The following CAMK4 variants were observed in gnomAD, a reference collection of about 807,000 sequenced individuals.
CAMK4 encodes the protein calcium/calmodulin-dependent protein kinase type IV.
CAMK4 carries 22 observed loss-of-function variants against 44.9 expected under a neutral mutation model. The ratio of observed to expected loss-of-function variants is 0.49; its 90% CI spans 0.35 to 0.70. The LOEUF is 0.70. CAMK4 is among the 30% of genes least tolerant of loss of function. CAMK4 has a pLI of 0.01. For synonymous variants in CAMK4, 218 were observed against 215.4 expected (o/e 1.01, Z -0.11); for missense variants, 498 against 586.8 (o/e 0.85, Z 1.56).
chr5:111,413,563 C>A (rs1187373646), intron 5 of CAMK4, among the ~76,000 whole-genome samples: 3 of 139,910 alleles, frequency 2.1e-5, no homozygotes, highest in Admixed American at 7.1e-5. Flanking sequence ...GGTGACAGAG[C>A]AACACTCCAT....
rs1322086975 is a variant in CAMK4 at position 111,492,743 on chromosome 5, G to T, written c.*8277G>T. ...TGAGAAACTATTATATGCCATGGAG[G>T]AGTCAAAGATGAATTAAATCCAATG... On this transcript the variant is annotated 3_prime_UTR_variant, in exon 11 of 11. Coordinates refer to ENST00000282356, the MANE Select transcript of CAMK4 (RefSeq NM_001744.6). 2.0e-5 allele frequency: 3 copies of T among 152,198 alleles called. No individual in the cohort carries two copies. The highest frequency in any genetic ancestry group is 7.2e-5 in the African/African-American group (3 of 41,454). The allele number at this position is 152,198 out of a possible 1,614,324, so 9.4% of individuals were successfully genotyped here. A position where few individuals can be genotyped will look rare whatever the true frequency, so the allele number is the denominator to read the frequency against.
intron 1 of CAMK4, among the ~76,000 whole-genome samples, chr5:111,339,182 G>C (rs1156349621): frequency 1.3e-5 from 2 of 151,304 alleles, no homozygotes; most frequent in East Asian, 3.9e-4. Flanking sequence ...TAGGTTGTCT[G>C]TTTTATTCTG....
chr5:111,275,539 A>G (rs985587104), intron 1 of CAMK4, among the ~76,000 whole-genome samples: 2 of 152,082 alleles, frequency 1.3e-5, no homozygotes, highest in African/African-American at 4.8e-5. Context: ...TCTTTCAGAT[A>G]GTGTCTGACA....
Position 111,412,611 on chromosome 5 carries a change from G to T in CAMK4, c.459+17829G>T, listed in dbSNP as rs75262054. ...TACAACCACTAAATTGTCATTCATAGGTAAAGGCAGCAAATATTCTGAAAC... is the reference window on the plus strand; with the variant it reads ...TACAACCACTAAATTGTCATTCATATGTAAAGGCAGCAAATATTCTGAAAC... On this transcript the variant is annotated intron_variant, in intron 5 of 10. Coordinates refer to ENST00000282356, the MANE Select transcript of CAMK4 (RefSeq NM_001744.6). Among the ~76,000 whole-genome samples, 1,215 of 152,272 alleles carry T rather than the reference G, an allele frequency of 8.0e-3. 14 individuals are homozygous for T. The highest frequency in any genetic ancestry group is 0.026 in the African/African-American group (1,067 of 41,540).
intron 1 of CAMK4, among the ~76,000 whole-genome samples, chr5:111,298,779 G>A (rs1172150368): frequency 6.6e-6 from 1 of 152,230 alleles, no homozygotes; most frequent in African/African-American, 2.4e-5. Context: ...GAAAGGCTGT[G>A]AAACCAAATG....
chr5:111,290,323 C>T lies in CAMK4; in HGVS notation c.162-53701C>T, dbSNP rs1024927283. Among the ~76,000 whole-genome samples the T allele has an allele frequency of 1.3e-5, 2 of 152,172 alleles. No homozygotes were observed. The highest frequency in any genetic ancestry group is 4.8e-5 in the African/African-American group (2 of 41,452). ...GGCTATGCAAACATTTTTGCATCTTCTTGTCATACATTAATCCCTAGCCAG... is the reference window on the plus strand; with the variant it reads ...GGCTATGCAAACATTTTTGCATCTTTTTGTCATACATTAATCCCTAGCCAG... On this transcript the variant is annotated intron_variant, in intron 1 of 10. Transcript: ENST00000282356. This position sits in a 1 kb window ranked among gnomAD's most constrained non-coding sequence, Gnocchi z 4.5.
At chr5:111,400,502 A>G (rs1752183852) in intron 5 of CAMK4, among the ~76,000 whole-genome samples, 1 of 152,160 alleles carries the variant, frequency 6.6e-6, no homozygotes, top group South Asian at 2.1e-4. Flanking sequence ...AGTTCTTGGG[A>G]AATATAATGA....
At chr5:111,317,362 T>A (rs995606524) in intron 1 of CAMK4, among the ~76,000 whole-genome samples, 1 of 152,148 alleles carries the variant, frequency 6.6e-6, no homozygotes, top group Admixed American at 6.6e-5. Flanking sequence ...TATTGTTAAC[T>A]TCCCTAAGTA....
chr5:111,366,367 A>G (rs1006455074), intron 2 of CAMK4, among the ~76,000 whole-genome samples: 1 of 152,144 alleles, frequency 6.6e-6, no homozygotes, highest in Admixed American at 6.6e-5. Context: ...CTTTAGTTGC[A>G]CAGGTCACCC....
Position 111,482,755 on chromosome 5 carries a change from C to T in CAMK4, c.829-30C>T, listed in dbSNP as rs374204391. ...CAAGCCCAGGTCATCCTAAAAACCT[C>T]GCTAAGTTTATGGTTCTTTATTATT... On this transcript the variant is annotated intron_variant, in intron 9 of 10. Transcript: ENST00000282356. The surrounding 1 kb of genome is among the most constrained non-coding windows in gnomAD (Gnocchi z 4.9). 2.3e-5 allele frequency: 37 copies of T among 1,581,318 alleles called. 2 individuals carry two copies. In the South Asian group the frequency reaches 3.2e-4, roughly 13 times the overall value.
At chr5:111,411,282 T>G (rs73216089) in intron 5 of CAMK4, among the ~76,000 whole-genome samples, 2,300 of 152,318 alleles carry the variant, frequency 0.015, 40 homozygotes, top group African/African-American at 0.033. Flanking sequence ...CAAGTCTGTT[T>G]CAAATCCTTT....
At chr5:111,426,591 A>C (rs78572032) in intron 5 of CAMK4, among the ~76,000 whole-genome samples, 20 of 152,300 alleles carry the variant, frequency 1.3e-4, no homozygotes, top group Non-Finnish European at 2.2e-4. Context: ...TATCGCTGAA[A>C]GAGGCACTGA....
Position 111,348,554 on chromosome 5 carries a change from A to G in CAMK4, c.240+4452A>G, listed in dbSNP as rs569738353. ...TCATGTATTTAATATATAGAGACCT[A>G]TATTTCAAAGAATTGGAATGCATTA... On this transcript the variant is annotated intron_variant, in intron 2 of 10. Coordinates refer to ENST00000282356, the MANE Select transcript of CAMK4 (RefSeq NM_001744.6). Among the ~76,000 whole-genome samples, 5 of 152,178 alleles carry G rather than the reference A, an allele frequency of 3.3e-5. No individual in the cohort carries two copies. In the East Asian group the frequency reaches 5.8e-4, roughly 18 times the overall value.
intron 1 of CAMK4, among the ~76,000 whole-genome samples, chr5:111,273,724 CACAT>C (rs1343074077): frequency 2.8e-5 from 2 of 71,552 alleles, no homozygotes; most frequent in Admixed American, 2.4e-4. Context: ...TATATACACA[CACAT>C]ACATACACAC....
intron 1 of CAMK4, among the ~76,000 whole-genome samples, chr5:111,333,711 T>A (rs146977518): frequency 9.9e-5 from 15 of 151,706 alleles, no homozygotes; most frequent in African/African-American, 3.6e-4. Context: ...AGGCAACAAC[T>A]TAAGGAAATT....
At chr5:111,479,211 C>G (rs1755347832) in intron 9 of CAMK4, among the ~76,000 whole-genome samples, 1 of 152,154 alleles carries the variant, frequency 6.6e-6, no homozygotes, top group South Asian at 2.1e-4. Context: ...ATACTGCTTC[C>G]TGAAATTTCA....
chr5:111,344,956 T>C (rs1223930814), intron 2 of CAMK4, among the ~76,000 whole-genome samples: 1 of 151,926 alleles, frequency 6.6e-6, no homozygotes. Flanking sequence ...TTTTCAAATT[T>C]CATGTGAACA....
chr5:111,231,648 A>G (rs1435543900), intron 1 of CAMK4, among the ~76,000 whole-genome samples: 1 of 152,224 alleles, frequency 6.6e-6, no homozygotes, highest in Non-Finnish European at 1.5e-5. Context: ...ATGTATTACC[A>G]TAAGATTTCT....
rs1330183634 is a variant in CAMK4, at chr5:111,224,591, C to T, written c.108C>T (p.Gly36=). The part of the protein sequence containing the change: ...ASLVPDYWID[G]SNRDALSDFF... ...TCGTCCCGGATTACTGGATCGACGG[C>T]TCCAACAGGGATGCGCTGAGCGATT... The change falls in exon 1 of 11, where the codon GGC becomes GGT. Residue 36 remains glycine (G), a synonymous_variant. Coordinates refer to ENST00000282356, the MANE Select transcript of CAMK4 (RefSeq NM_001744.6). This position sits in a 1 kb window ranked among gnomAD's most constrained non-coding sequence, Gnocchi z 5.7. The T allele has an allele frequency of 5.0e-6, 8 of 1,612,198 alleles. No individual in the cohort carries two copies. Among genetic ancestry groups the T allele is most frequent in the Middle Eastern group, 1.9e-4 (1 of 5,278 alleles).
Sources: allele counts gnomAD v4.1 joint callset (sites outside exome capture counted in the v4.1 genomes callset), GRCh38; gene constraint gnomAD v4.1.1; non-coding constraint Gnocchi (gnomAD v3.1); transcripts MANE v1.5; gene names NCBI Gene and HGNC (gene_info 2026-07-23, HGNC 2026-07-21).